Variants in NCOA2 observed in about 807,000 individuals in gnomAD.
NCOA2 encodes nuclear receptor coactivator 2, also known as class E basic helix-loop-helix protein 75.
In NCOA2, 21 loss-of-function variants were observed where a neutral mutation model predicts 145.1. The observed-to-expected ratio is 0.14, with a 90% CI of 0.10 to 0.21. The LOEUF (loss-of-function observed/expected upper bound fraction) is 0.21, where lower values mean the gene tolerates loss of function less well. Among genes scored for constraint, NCOA2 ranks in the 10% least tolerant of loss-of-function variants. NCOA2 has a pLI of 1.00. For synonymous variants in NCOA2, 619 were observed against 637.5 expected (o/e 0.97, Z 0.44); for missense variants, 1,472 against 1,837.6 (o/e 0.80, Z 3.64).
chr8:70,334,953 A>G (rs1807437387), intron 1 of NCOA2, among the ~76,000 whole-genome samples: 1 of 151,452 alleles, frequency 6.6e-6, no homozygotes, highest in Non-Finnish European at 1.5e-5. Flanking sequence ...GTGAAACCCT[A>G]TCTCTACAAA....
chr8:70,397,827 T>C (rs1219330111), intron 1 of NCOA2, among the ~76,000 whole-genome samples: 2 of 152,236 alleles, frequency 1.3e-5, no homozygotes, highest in Non-Finnish European at 2.9e-5. Flanking sequence ...ATTATAAACA[T>C]TTCAACCCCA....
At chr8:70,276,839 T>C (rs945441328) in intron 2 of NCOA2, among the ~76,000 whole-genome samples, 5 of 152,168 alleles carry the variant, frequency 3.3e-5, no homozygotes, top group Admixed American at 6.6e-5. Flanking sequence ...AATTCTGATA[T>C]ACAGACCTTT....
intron 12 of NCOA2, 88 bp downstream of exon 12, chr8:70,148,185 G>A (rs1811319312): frequency 1.5e-6 from 2 of 1,313,782 alleles, no homozygotes; most frequent in Non-Finnish European, 2.2e-6. Context: ...AAGTGACTAA[G>A]CTGGTTGCAT....
chr8:70,334,924 G>T (rs1807434117), intron 1 of NCOA2, among the ~76,000 whole-genome samples: 1 of 151,812 alleles, frequency 6.6e-6, no homozygotes, highest in African/African-American at 2.4e-5. Flanking sequence ...AGGAGTTTGA[G>T]ACCAGCCTGA....
intron 1 of NCOA2, among the ~76,000 whole-genome samples, chr8:70,340,003 G>A (rs557345222): frequency 6.6e-6 from 1 of 152,226 alleles, no homozygotes; most frequent in Non-Finnish European, 1.5e-5. Context: ...GAATATCTAG[G>A]CAATACCATT....
chr8:70,192,797 G>A (rs768227515), intron 4 of NCOA2, among the ~76,000 whole-genome samples: 7 of 152,082 alleles, frequency 4.6e-5, no homozygotes, highest in African/African-American at 1.2e-4. Flanking sequence ...GGCCAAGAAC[G>A]GTGGCTCATG....
chr8:70,137,744 C>T (rs1809904727), intron 15 of NCOA2, among the ~76,000 whole-genome samples: 1 of 152,250 alleles, frequency 6.6e-6, no homozygotes, highest in Admixed American at 6.5e-5. Context: ...ACGAGCCACA[C>T]CGCCTGCCTG....
intron 1 of NCOA2, among the ~76,000 whole-genome samples, chr8:70,319,221 T>C (rs1485655617): frequency 1.3e-5 from 2 of 152,076 alleles, no homozygotes; most frequent in African/African-American, 4.8e-5. Context: ...GTTATATACC[T>C]TGGATGATGT....
At chr8:70,122,307 TG>T (rs1212233832) in intron 21 of NCOA2, among the ~76,000 whole-genome samples, 1 of 152,158 alleles carries the variant, frequency 6.6e-6, no homozygotes, top group Non-Finnish European at 1.5e-5. Context: ...TGGAGTGCAG[TG>T]GTACAATCTT....
intron 2 of NCOA2, among the ~76,000 whole-genome samples, chr8:70,280,931 C>G (rs1377920961): frequency 6.6e-6 from 1 of 151,694 alleles, no homozygotes; most frequent in Non-Finnish European, 1.5e-5. Flanking sequence ...CTGTGGAGAG[C>G]ATGTCACACG....
intron 1 of NCOA2, among the ~76,000 whole-genome samples, chr8:70,395,376 A>G (rs898360495): frequency 6.6e-6 from 1 of 152,220 alleles, no homozygotes; most frequent in Non-Finnish European, 1.5e-5. Flanking sequence ...GATGCAGGAC[A>G]GCAGAACCGC....
chr8:70,308,449 A>G (rs1375644332), intron 1 of NCOA2, among the ~76,000 whole-genome samples: 1 of 151,934 alleles, frequency 6.6e-6, no homozygotes, highest in African/African-American at 2.4e-5. Flanking sequence ...GTGTGTGTGT[A>G]TCTGTGAGTG....
chr8:70,147,111 C>T (rs998843658), intron 12 of NCOA2, among the ~76,000 whole-genome samples: 3 of 95,542 alleles, frequency 3.1e-5, no homozygotes, highest in South Asian at 3.0e-4. Flanking sequence ...GCAAATCTTT[C>T]GCGCGCGCGC....
chr8:70,323,867 C>T (rs55995694), intron 1 of NCOA2, among the ~76,000 whole-genome samples: 8,399 of 152,190 alleles, frequency 0.055, 233 homozygotes, highest in South Asian at 0.1. Flanking sequence ...CACAACTATC[C>T]AATACCATAT....
intron 2 of NCOA2, among the ~76,000 whole-genome samples, chr8:70,237,899 C>T (rs1390495531): frequency 4.6e-5 from 7 of 151,912 alleles, no homozygotes; most frequent in African/African-American, 9.7e-5. Context: ...AACTGTGTGA[C>T]GTTCTAAGTA....
Position 70,128,840 on chromosome 8 carries a change from G to A in NCOA2, c.3465C>T (p.Asn1155=), listed in dbSNP as rs774795707. The A allele has an allele frequency of 1.2e-6, 2 of 1,614,050 alleles. No individual in the cohort carries two copies. Among genetic ancestry groups the A allele is most frequent in the Middle Eastern group, 1.6e-4 (1 of 6,062 alleles). The change falls in exon 17 of 23, where the codon AAC becomes AAT. Residue 1155 remains asparagine, a synonymous_variant. Transcript: ENST00000452400. ...TAGGCCGCTGTCCCATGGTGTGAAAGTTTGGATCTTGCATGGGAGAATAGC... is the reference window on the plus strand; with the variant it reads ...TAGGCCGCTGTCCCATGGTGTGAAAATTTGGATCTTGCATGGGAGAATAGC... The part of the protein sequence containing the change: ...QGSYSPMQDP[N]FHTMGQRPSY...
intron 5 of NCOA2, 138 bp from the exon 6 acceptor site, chr8:70,170,517 G>C: frequency 1.4e-6 from 1 of 706,738 alleles, no homozygotes; most frequent in South Asian, 2.4e-5. Flanking sequence ...CCCTCTCCCA[G>C]TTTTCAGGAA....
chr8:70,435,716 T>TTA, the NCOA2 span, among the ~76,000 whole-genome samples: 1,326 of 147,912 alleles, frequency 9.0e-3, 19 homozygotes, highest in South Asian at 0.029. Context: ...ATACTTACAC[T>TTA]TATATATATA....
At chr8:70,151,106 G>A (rs1026667667) in intron 11 of NCOA2, among the ~76,000 whole-genome samples, 1 of 152,188 alleles carries the variant, frequency 6.6e-6, no homozygotes, top group African/African-American at 2.4e-5. Flanking sequence ...GTGATGAGTT[G>A]CCTCTTGAGA....
Sources: allele counts gnomAD v4.1 joint callset (sites outside exome capture counted in the v4.1 genomes callset), GRCh38; gene constraint gnomAD v4.1.1; transcripts MANE v1.5; gene names NCBI Gene and HGNC (gene_info 2026-07-23, HGNC 2026-07-21).